The following STT3B variants were observed in gnomAD, a reference collection of about 807,000 sequenced individuals.
The protein encoded by STT3B is dolichyl-diphosphooligosaccharide--protein glycosyltransferase subunit STT3B.
A neutral mutation model predicts 96.8 loss-of-function variants in STT3B; 29 were observed. The ratio of observed to expected loss-of-function variants is 0.30; its 90% CI spans 0.22 to 0.41. The LOEUF (loss-of-function observed/expected upper bound fraction) is 0.41, where lower values mean the gene tolerates loss of function less well. STT3B is among the 10% of genes least tolerant of loss of function. The pLI, the probability that STT3B is intolerant of heterozygous loss-of-function variation, is 1.00. For missense variants in STT3B, 640 were observed against 1,022.3 expected (o/e 0.63, Z 5.10); for synonymous variants, 367 against 360.0 (o/e 1.02, Z -0.22).
At chr3:31,533,841 A>C (rs1227100860) in intron 1 of STT3B, among the ~76,000 whole-genome samples, 2 of 152,056 alleles carry the variant, frequency 1.3e-5, no homozygotes, top group African/African-American at 2.4e-5. Flanking sequence ...ATGTGCCGGA[A>C]CCCCGGCTGC....
intron 3 of STT3B, among the ~76,000 whole-genome samples, chr3:31,592,416 C>T (rs1249578984): frequency 6.6e-6 from 1 of 152,106 alleles, no homozygotes; most frequent in Non-Finnish European, 1.5e-5. Flanking sequence ...AATCTCTCTC[C>T]AAGACCTTGC....
intron 1 of STT3B, among the ~76,000 whole-genome samples, chr3:31,537,729 T>A (rs1559356042): frequency 6.6e-6 from 1 of 152,152 alleles, no homozygotes; most frequent in Non-Finnish European, 1.5e-5. Flanking sequence ...AGAAGCTCAA[T>A]ATAAGGATTT....
chr3:31,567,103 C>CT (rs768145786), intron 1 of STT3B, among the ~76,000 whole-genome samples: 1 of 152,160 alleles, frequency 6.6e-6, no homozygotes, highest in Non-Finnish European at 1.5e-5. Flanking sequence ...ACCCTGAGCC[C>CT]TCACTTGGAG....
At chr3:31,616,319 CAG>C (rs1292299493) in intron 6 of STT3B, among the ~76,000 whole-genome samples, 1 of 151,752 alleles carries the variant, frequency 6.6e-6, no homozygotes, top group African/African-American at 2.4e-5. Flanking sequence ...ACAGGAAGGT[CAG>C]AGAATTATTT....
rs151191735 is a variant in STT3B at position 31,597,884 on chromosome 3, G to A, written c.777+1021G>A. Among the ~76,000 whole-genome samples the A allele has an allele frequency of 3.0e-4, 45 of 147,856 alleles. 1 individual carries two copies. The East Asian group carries it at 8.9e-3, about 29-fold the overall frequency. On this transcript the variant is annotated intron_variant, in intron 4 of 15. Transcript: ENST00000295770. Reference sequence around the variant, plus strand: ...AGAGTCTGGCTCTGTTGCCTAGGCTGGAGTGCAGTGGTACGATCTCGGCTC... The same window carrying A: ...AGAGTCTGGCTCTGTTGCCTAGGCTAGAGTGCAGTGGTACGATCTCGGCTC...
At chr3:31,565,754 G>A (rs1697989364) in intron 1 of STT3B, among the ~76,000 whole-genome samples, 1 of 152,154 alleles carries the variant, frequency 6.6e-6, no homozygotes, top group Non-Finnish European at 1.5e-5. Flanking sequence ...TGGTCAAGCA[G>A]TACTTAATAA....
Position 31,623,553 on chromosome 3 carries a change from C to T in STT3B, c.1540-121C>T, listed in dbSNP as rs771465353. Reference sequence around the variant, plus strand: ...CACATAAGAATATCTGATGGTTATACATTTTCTGAGTCATAGAATTAAATT... The same window carrying T: ...CACATAAGAATATCTGATGGTTATATATTTTCTGAGTCATAGAATTAAATT... On this transcript the variant is annotated intron_variant, in intron 10 of 15. Transcript: ENST00000295770. 225 of 724,258 alleles carry T rather than the reference C, an allele frequency of 3.1e-4. 1 individual carries two copies. Among genetic ancestry groups the T allele is most frequent in the Admixed American group, 4.1e-4 (14 of 34,050 alleles). The allele number at this position is 724,258 out of a possible 1,614,324, so 44.9% of individuals were successfully genotyped here.
intron 1 of STT3B, among the ~76,000 whole-genome samples, chr3:31,548,016 G>C (rs2125438478): frequency 6.6e-6 from 1 of 152,242 alleles, no homozygotes; most frequent in South Asian, 2.1e-4. Flanking sequence ...GTAATGAAAT[G>C]CAGAGCATCT....
chr3:31,596,766 T>A, intron 3 of STT3B, 32 bp from the exon 4 acceptor site: 2 of 1,535,926 alleles, frequency 1.3e-6, no homozygotes, highest in Non-Finnish European at 1.8e-6. Flanking sequence ...TTTGTAAACA[T>A]TTTTATTATA....
Position 31,571,926 on chromosome 3 carries a change from A to ATC in STT3B, c.315-4469_315-4468dup, listed in dbSNP as rs1445942411. Among the ~76,000 whole-genome samples the ATC allele has an allele frequency of 2.1e-3, 175 of 85,290 alleles. 1 individual carries two copies. Among genetic ancestry groups the ATC allele is most frequent in the Middle Eastern group, 0.013 (2 of 154 alleles). 56.0% of individuals were successfully genotyped at this position (85,290 alleles called of 152,430 possible). A position where few individuals can be genotyped will look rare whatever the true frequency, so the allele number is the denominator to read the frequency against. On this transcript the variant is annotated intron_variant, in intron 1 of 15. Coordinates refer to ENST00000295770, the MANE Select transcript of STT3B (RefSeq NM_178862.3). Reference sequence around the variant, plus strand: ...AGGTGCTTCCTTTTTGAGATTATATATCATATATATTATATATAATATTAA... The same window carrying ATC: ...AGGTGCTTCCTTTTTGAGATTATATATCTCATATATATTATATATAATATTAA...
chr3:31,534,443 T>C (rs991841170), intron 1 of STT3B, among the ~76,000 whole-genome samples: 4 of 152,242 alleles, frequency 2.6e-5, no homozygotes, highest in African/African-American at 9.6e-5. Context: ...GTATGCCTTT[T>C]AAACTAGTGT....
At chr3:31,536,271 T>C (rs1347317520) in intron 1 of STT3B, among the ~76,000 whole-genome samples, 2 of 152,206 alleles carry the variant, frequency 1.3e-5, no homozygotes, top group Non-Finnish European at 2.9e-5. Flanking sequence ...GTCGCAACAC[T>C]TTAACTGGTC....
At chr3:31,537,280 T>G (rs141294663) in intron 1 of STT3B, among the ~76,000 whole-genome samples, 30 of 152,338 alleles carry the variant, frequency 2.0e-4, no homozygotes, top group Non-Finnish European at 3.4e-4. Flanking sequence ...GGTCTCCATG[T>G]TTTCCTTCAC....
intron 1 of STT3B, among the ~76,000 whole-genome samples, chr3:31,540,957 A>G (rs1197868029): frequency 2.6e-5 from 4 of 152,228 alleles, no homozygotes; most frequent in Non-Finnish European, 5.9e-5. Context: ...TAACACCTGT[A>G]GACTATACCC....
At chr3:31,574,193 CG>C (rs373554851) in intron 1 of STT3B, among the ~76,000 whole-genome samples, 6 of 151,376 alleles carry the variant, frequency 4.0e-5, no homozygotes, top group Admixed American at 2.0e-4. Flanking sequence ...CCAGAAGTTT[CG>C]GGGGGGTGTT....
Position 31,571,829 on chromosome 3 carries a change from A to C in STT3B, c.315-4567A>C, listed in dbSNP as rs1366024919. On this transcript the variant is annotated intron_variant, in intron 1 of 15. Coordinates refer to ENST00000295770, the MANE Select transcript of STT3B (RefSeq NM_178862.3). ...CCTGGGAATTTGCATGAATGAAAAT[A>C]ATCAGACTATGCTTTGTTTAGTAAC... 2.0e-5 allele frequency among the ~76,000 whole-genome samples: 3 copies of C among 151,442 alleles called. No homozygotes were observed. The Admixed American group carries it at 2.0e-4, about 10-fold the overall frequency.
chr3:31,605,584 A>G (rs1000942510), intron 5 of STT3B, among the ~76,000 whole-genome samples: 2 of 152,198 alleles, frequency 1.3e-5, no homozygotes, highest in Non-Finnish European at 2.9e-5. Flanking sequence ...GCCTGCTGCC[A>G]TGTAAGATGT....
chr3:31,553,355 C>T (rs1229289130), intron 1 of STT3B, among the ~76,000 whole-genome samples: 1 of 152,108 alleles, frequency 6.6e-6, no homozygotes, highest in Non-Finnish European at 1.5e-5. Context: ...CTTATTATTT[C>T]CTCCCCCGGA....
At position 31,637,175 on chromosome 3, in the gene STT3B, G is replaced by C. The variant is rs1012978843; in HGVS notation, c.*1111G>C. 1 of 152,146 alleles carries C rather than the reference G, an allele frequency of 6.6e-6. No homozygotes were observed. The highest frequency in any genetic ancestry group is 2.4e-5 in the African/African-American group (1 of 41,446). The allele number at this position is 152,146 out of a possible 1,614,324, so 9.4% of individuals were successfully genotyped here. On this transcript the variant is annotated 3_prime_UTR_variant, in exon 16 of 16. Transcript: ENST00000295770. ...GGAGATTGAACAAGTTCACTTTCCA[G>C]CTTATAGGCAACTTTATACAGACTT...
Sources: allele counts gnomAD v4.1 joint callset (sites outside exome capture counted in the v4.1 genomes callset), GRCh38; gene constraint gnomAD v4.1.1; transcripts MANE v1.5; gene names NCBI Gene and HGNC (gene_info 2026-07-23, HGNC 2026-07-21).